ST8SIA3: variants seen among roughly 807,000 people sequenced by gnomAD.
ST8SIA3 encodes alpha-N-acetylneuraminate alpha-2,8-sialyltransferase ST8SIA3.
ST8SIA3 carries 17 observed loss-of-function variants against 34.5 expected under a neutral mutation model. The observed-to-expected ratio is 0.49, with a 90% CI of 0.34 to 0.74. ST8SIA3 has a LOEUF of 0.74. Ranked by LOEUF, ST8SIA3 falls within the 30% of genes least tolerant of loss-of-function variation. The probability of loss-of-function intolerance (pLI) is 0.01; values close to 1 mark genes in which losing one functional copy is unlikely to be tolerated. For missense variants in ST8SIA3, 354 were observed against 467.8 expected, an observed-to-expected ratio of 0.76 and a Z score of 2.24; for synonymous variants, 172 against 176.1, an observed-to-expected ratio of 0.98 and a Z score of 0.19.
rs781529555 is a variant in ST8SIA3, at chr18:57,354,510, G to A, written c.288G>A (p.Ala96=). The change falls in exon 2 of 4, where the codon GCG becomes GCA. Residue 96 remains alanine, a synonymous_variant. Transcript: ENST00000324000. ...CTAAGTGGAAATTTAATCGGACAGC[G>A]TTTTTACATCAAAGGTAGGATAGGA... ...KPSKWKFNRT[A]FLHQRQEILQ... 1.2e-6 allele frequency: 2 copies of A among 1,614,008 alleles called. No individual in the cohort carries two copies. The highest frequency in any genetic ancestry group is 8.5e-7 in the Non-Finnish European group (1 of 1,179,906).
chr18:57,353,083 G>C, intron 1 of ST8SIA3, 58 bp downstream of exon 1: 1 of 1,574,058 alleles, frequency 6.4e-7, no homozygotes, highest in Non-Finnish European at 8.6e-7. Flanking sequence ...GGTGTTTGGG[G>C]AAGGGAAGGC....
rs1245597032 is a variant in ST8SIA3, at chr18:57,357,264, T to C, written c.654T>C (p.Tyr218=). 3.1e-6 allele frequency: 5 copies of C among 1,614,168 alleles called. No homozygotes were observed. Among genetic ancestry groups the C allele is most frequent in the Non-Finnish European group, 2.5e-6 (3 of 1,180,000 alleles). ...TTFNPSILEK[Y]YNNLLTIQDR... is the part of the protein sequence containing the mutation. The stretch of plus-strand genomic sequence containing the variant: ...TCAACCCCAGCATCCTGGAAAAATA[T>C]TACAACAATCTCTTGACTATTCAGG... The change falls in exon 3 of 4, where the codon TAT becomes TAC. Residue 218 remains tyrosine (Y), a synonymous_variant. Transcript: ENST00000324000.
Position 57,361,716 on chromosome 18 carries a change from G to A in ST8SIA3, c.*1439G>A, listed in dbSNP as rs771265581. The A allele has an allele frequency of 9.8e-5, 15 of 152,668 alleles. No individual in the cohort carries two copies. Among genetic ancestry groups the A allele is most frequent in the Admixed American group, 3.3e-4 (5 of 15,288 alleles). The allele number at this position is 152,668 out of a possible 1,614,324, so 9.5% of individuals were successfully genotyped here. On this transcript the variant is annotated 3_prime_UTR_variant, in exon 4 of 4. Transcript: ENST00000324000. ...CTTTGTTCTTCCAATTCAGCCCAACGTCTGGCCAAGTTGATGTTAAATTTT... is the reference window on the plus strand; with the variant it reads ...CTTTGTTCTTCCAATTCAGCCCAACATCTGGCCAAGTTGATGTTAAATTTT...
At chr18:57,356,766 C>CAGAA in intron 2 of ST8SIA3, 147 bp from the exon 3 acceptor site, 1 of 598,640 alleles carries the variant, frequency 1.7e-6, no homozygotes, top group Non-Finnish European at 2.9e-6. Context: ...GCAGTCCTCC[C>CAGAA]TTCAAGGACC....
chr18:57,359,421 A>G (rs750221589), intron 3 of ST8SIA3, among the ~76,000 whole-genome samples: 1 of 152,206 alleles, frequency 6.6e-6, no homozygotes, highest in Non-Finnish European at 1.5e-5. Context: ...AAGGAATACA[A>G]TTATTTGCAA....
intron 2 of ST8SIA3, 57 bp from the exon 3 acceptor site, chr18:57,356,856 G>A: frequency 8.8e-7 from 1 of 1,136,716 alleles, no homozygotes; most frequent in South Asian, 1.5e-5. Context: ...TAAGTCATAA[G>A]ATGGAAAATC....
In ST8SIA3 at chr18:57,362,354, G is replaced by C. The variant is rs1370344149; in HGVS notation, c.*2077G>C. Reference sequence around the variant, plus strand: ...GTGATATTAATGCCAATATTACTTGGGCCAGATTCTGACTCTGGAGTTTTA... The same window carrying C: ...GTGATATTAATGCCAATATTACTTGCGCCAGATTCTGACTCTGGAGTTTTA... On this transcript the variant is annotated 3_prime_UTR_variant, in exon 4 of 4. Coordinates refer to ENST00000324000, the MANE Select transcript of ST8SIA3 (RefSeq NM_015879.3). 6.6e-6 allele frequency: 1 copy of C among 152,006 alleles called. No individual in the cohort carries two copies. The highest frequency in any genetic ancestry group is 1.5e-5 in the Non-Finnish European group (1 of 67,988). The allele number at this position is 152,006 out of a possible 1,614,324, so 9.4% of individuals were successfully genotyped here.
In ST8SIA3 at chr18:57,352,769, C is replaced by CACAA. The variant is rs758843003; in HGVS notation, c.-77_-76insCAAA. The stretch of plus-strand genomic sequence containing the variant: ...ACACACACACACACACACACACACA[C>CACAA]ATATATACACGCCAGCGAGCTGCTG... On this transcript the variant is annotated 5_prime_UTR_variant, in exon 1 of 4. Coordinates refer to ENST00000324000, the MANE Select transcript of ST8SIA3 (RefSeq NM_015879.3). 2.0e-6 allele frequency: 2 copies of CACAA among 1,024,960 alleles called. No individual in the cohort carries two copies. The highest frequency in any genetic ancestry group is 2.9e-6 in the Non-Finnish European group (2 of 686,500). 63.5% of individuals were successfully genotyped at this position (1,024,960 alleles called of 1,614,324 possible).
At chr18:57,355,118 T>C (rs1314730673) in intron 2 of ST8SIA3, among the ~76,000 whole-genome samples, 2 of 152,238 alleles carry the variant, frequency 1.3e-5, no homozygotes, top group African/African-American at 4.8e-5. Flanking sequence ...GGTACCTAAC[T>C]TAATTCCTAC....
intron 2 of ST8SIA3, among the ~76,000 whole-genome samples, 196 bp from the exon 3 acceptor site, chr18:57,356,717 G>C (rs1043676455): frequency 1.3e-5 from 2 of 152,204 alleles, no homozygotes; most frequent in African/African-American, 4.8e-5. Flanking sequence ...AATACACCCA[G>C]AAATTGACTG....
chr18:57,357,452 T>C lies in ST8SIA3; in HGVS notation c.842T>C (p.Ile281Thr). 3 of 1,611,684 alleles carry C rather than the reference T, an allele frequency of 1.9e-6. No homozygotes were observed. Among genetic ancestry groups the C allele is most frequent in the African/African-American group, 1.3e-5 (1 of 75,004 alleles). Reference sequence around the variant, plus strand: ...GTCCAACTGGCTTGGCCGGGAAATATAATGCAACATGTCAACAGGTGTGTA... The same window carrying C: ...GTCCAACTGGCTTGGCCGGGAAATACAATGCAACATGTCAACAGGTGTGTA... The part of the protein sequence containing the change: ...LKVQLAWPGN[I>T]MQHVNRYWKN... Residue 281 changes from isoleucine to threonine, a missense_variant, in exon 3 of 4, where the codon ATA (isoleucine) becomes ACA (threonine). Ile to Thr is a moderately conservative substitution (Grantham distance 89). Coordinates refer to ENST00000324000, the MANE Select transcript of ST8SIA3 (RefSeq NM_015879.3).
Position 57,366,325 on chromosome 18 carries a change from G to A in ST8SIA3, c.*6048G>A, listed in dbSNP as rs949887553. 19 of 152,660 alleles carry A rather than the reference G, an allele frequency of 1.2e-4. No homozygotes were observed. The highest frequency in any genetic ancestry group is 2.4e-4 in the Non-Finnish European group (16 of 68,008). 9.5% of individuals were successfully genotyped at this position (152,660 alleles called of 1,614,324 possible). A position where few individuals can be genotyped will look rare whatever the true frequency, so the allele number is the denominator to read the frequency against. ...TTCAAATATTCCACGTGACTCTTAG[G>A]AACCTCTCAACAGACTCCCCAGTAT... On this transcript the variant is annotated 3_prime_UTR_variant, in exon 4 of 4. Transcript: ENST00000324000.
At chr18:57,358,439 A>G (rs1033505329) in intron 3 of ST8SIA3, among the ~76,000 whole-genome samples, 2 of 152,124 alleles carry the variant, frequency 1.3e-5, no homozygotes, top group East Asian at 1.9e-4. Context: ...TTATTCCACA[A>G]TAGATTTTTC....
At chr18:57,353,089 A>T in intron 1 of ST8SIA3, 64 bp downstream of exon 1, 1 of 1,559,034 alleles carries the variant, frequency 6.4e-7, no homozygotes, top group South Asian at 1.1e-5. Context: ...TGGGGAAGGG[A>T]AGGCGTGGGG....
intron 3 of ST8SIA3, among the ~76,000 whole-genome samples, 194 bp downstream of exon 3, chr18:57,357,664 G>A (rs1019240365): frequency 8.5e-5 from 13 of 152,152 alleles, no homozygotes; most frequent in Non-Finnish European, 1.8e-4. Context: ...ACCCACAGCT[G>A]GTAACCAAGT....
At chr18:57,356,029 C>T (rs2049796319) in intron 2 of ST8SIA3, among the ~76,000 whole-genome samples, 1 of 152,140 alleles carries the variant, frequency 6.6e-6, no homozygotes, top group Admixed American at 6.5e-5. Context: ...ATAAGAAATT[C>T]ACTGGGTTTA....
rs1311466645 is a variant in ST8SIA3, at chr18:57,360,163, A to C, written c.1029A>C (p.Gly343=). The part of the protein sequence containing the change: ...DLPYHYYDKK[G]TKFTTKWQES... ...CATACCATTACTATGACAAAAAAGG[A>C]ACCAAATTTACCACCAAGTGGCAGG... The change falls in exon 4 of 4, where the codon GGA becomes GGC. Residue 343 remains glycine (G), a synonymous_variant. Transcript: ENST00000324000. The C allele has an allele frequency of 6.2e-7, 1 of 1,614,136 alleles. No individual in the cohort carries two copies. The highest frequency in any genetic ancestry group is 2.2e-5 in the East Asian group (1 of 44,880).
chr18:57,359,073 T>A (rs2049814710), intron 3 of ST8SIA3, among the ~76,000 whole-genome samples: 1 of 152,182 alleles, frequency 6.6e-6, no homozygotes, highest in Non-Finnish European at 1.5e-5. Context: ...GAGTTAATCA[T>A]AATGTTTCTT....
Position 57,368,864 on chromosome 18 carries a change from C to T in ST8SIA3, c.*8587C>T, listed in dbSNP as rs1861954462. 6.6e-6 allele frequency: 1 copy of T among 152,204 alleles called. No individual in the cohort carries two copies. The highest frequency in any genetic ancestry group is 1.9e-4 in the East Asian group (1 of 5,200). 9.4% of individuals were successfully genotyped at this position (152,204 alleles called of 1,614,324 possible). A position where few individuals can be genotyped will look rare whatever the true frequency, so the allele number is the denominator to read the frequency against. ...AAGTGTGAATGTGCCTGCCTCATTG[C>T]CTTGTGTTCCAAACACAGTACTGAA... On this transcript the variant is annotated 3_prime_UTR_variant, in exon 4 of 4. Transcript: ENST00000324000.
Sources: gnomAD v4.1 joint callset for allele counts (sites outside exome capture counted in the v4.1 genomes callset) on GRCh38, gnomAD v4.1.1 for gene constraint, MANE v1.5 for transcripts, NCBI Gene and HGNC (gene_info 2026-07-23, HGNC 2026-07-21) for gene names.